Variants in TENM4 observed in about 807,000 individuals in gnomAD.
TENM4 encodes the protein teneurin-4.
Under a neutral mutation model 243.3 loss-of-function variants are expected in TENM4, and 82 were observed. That is an observed-to-expected ratio of 0.34 (90% confidence interval 0.28 to 0.40). The LOEUF (loss-of-function observed/expected upper bound fraction) is 0.40, where lower values mean the gene tolerates loss of function less well. Ranked by LOEUF, TENM4 falls within the 10% of genes least tolerant of loss-of-function variation. The pLI is 1.00. For synonymous variants in TENM4, 1,412 were observed against 1,456.3 expected (o/e 0.97, Z 0.69); for missense variants, 3,138 against 3,673.3 (o/e 0.85, Z 3.77).
chr11:79,221,314 T>A (rs2135239158), intron 2 of TENM4, among the ~76,000 whole-genome samples: 1 of 150,678 alleles, frequency 6.6e-6, no homozygotes, highest in South Asian at 2.2e-4. Flanking sequence ...GGAGAGAAGA[T>A]CCACCACATT....
At chr11:79,288,543 C>T (rs1227310810) in intron 2 of TENM4, among the ~76,000 whole-genome samples, 1 of 152,210 alleles carries the variant, frequency 6.6e-6, no homozygotes, top group Non-Finnish European at 1.5e-5. Flanking sequence ...AAGAGATCAT[C>T]CCAACAAATA....
intron 16 of TENM4, among the ~76,000 whole-genome samples, chr11:78,784,439 G>C (rs1356992356): frequency 6.6e-6 from 1 of 152,050 alleles, no homozygotes; most frequent in Non-Finnish European, 1.5e-5. Context: ...TCATGGGGAC[G>C]CAGCTGGCCA....
intron 3 of TENM4, among the ~76,000 whole-genome samples, chr11:79,191,957 C>T (rs1863512513): frequency 1.3e-5 from 2 of 151,616 alleles, no homozygotes; most frequent in African/African-American, 2.4e-5. Flanking sequence ...GGGGGTCAGC[C>T]CCCCGCCCAG....
chr11:79,017,839 C>G (rs1244678432), intron 6 of TENM4, among the ~76,000 whole-genome samples: 1 of 152,196 alleles, frequency 6.6e-6, no homozygotes, highest in East Asian at 1.9e-4. Flanking sequence ...GGCTCAGGCT[C>G]AGAAGGGCCT....
At chr11:78,739,634 A>G (rs1320812804) in intron 19 of TENM4, among the ~76,000 whole-genome samples, 2 of 152,070 alleles carry the variant, frequency 1.3e-5, no homozygotes, top group Non-Finnish European at 2.9e-5. Flanking sequence ...GGCTTTTTAA[A>G]CATTCAGAAA....
In TENM4 at chr11:78,732,331, A is replaced by C. The variant is rs755452984; in HGVS notation, c.3123T>G (p.Ile1041Met). 3 of 1,605,204 alleles carry C rather than the reference A, an allele frequency of 1.9e-6. No homozygotes were observed. The highest frequency in any genetic ancestry group is 2.7e-5 in the African/African-American group (2 of 74,748). The change falls in exon 21 of 34, where the codon ATT (isoleucine) becomes ATG (methionine). Residue 1041 changes from isoleucine to methionine, a missense_variant. By Grantham distance (10) the Ile-to-Met change is conservative. Coordinates refer to ENST00000278550, the MANE Select transcript of TENM4 (RefSeq NM_001098816.3). ...AGCTGGGTACCTGAATTTCCGGCAC[A>C]ATGGGGCCTTTCTCTGCACAGGAGC... ...FASSCAEKGP[I>M]VPEIQALQEE...
intron 23 of TENM4, among the ~76,000 whole-genome samples, chr11:78,725,380 G>A (rs1223122488): frequency 6.6e-6 from 1 of 152,204 alleles, no homozygotes; most frequent in African/African-American, 2.4e-5. Flanking sequence ...ATATTTAGCT[G>A]TCCCATCCCG....
intron 25 of TENM4, among the ~76,000 whole-genome samples, chr11:78,717,482 T>C (rs1387388533): frequency 1.3e-5 from 2 of 152,236 alleles, no homozygotes; most frequent in Non-Finnish European, 2.9e-5. Flanking sequence ...AGTTCTACCA[T>C]CCACTTGGCT....
chr11:78,991,266 T>G (rs756223698), intron 6 of TENM4, among the ~76,000 whole-genome samples: 2 of 151,130 alleles, frequency 1.3e-5, no homozygotes, highest in Non-Finnish European at 2.9e-5. Context: ...ACAATGTCTC[T>G]ATCTAGTCCC....
At chr11:79,341,815 C>G (rs7932591) in intron 1 of TENM4, among the ~76,000 whole-genome samples, 19,359 of 152,224 alleles carry the variant, frequency 0.13, 1,435 homozygotes, top group East Asian at 0.34. Context: ...ATTTCACATT[C>G]TCTATGACAT....
At chr11:79,084,733 G>C (rs754458567) in intron 4 of TENM4, among the ~76,000 whole-genome samples, 10 of 152,096 alleles carry the variant, frequency 6.6e-5, no homozygotes, top group Non-Finnish European at 1.3e-4. Flanking sequence ...AGGGAGGTGG[G>C]TGTGGCTATA....
intron 18 of TENM4, among the ~76,000 whole-genome samples, chr11:78,766,186 C>T (rs1037789689): frequency 5.3e-5 from 8 of 152,298 alleles, no homozygotes; most frequent in Non-Finnish European, 7.3e-5. Flanking sequence ...GGAGTTGAAT[C>T]CAGATAATCT....
At chr11:79,040,944 C>T (rs12808335) in intron 6 of TENM4, among the ~76,000 whole-genome samples, 95,889 of 151,970 alleles carry the variant, frequency 0.63, 34,216 homozygotes, top group Non-Finnish European at 0.83. Context: ...CCTGCTTGTG[C>T]CCAATGCAGG....
intron 1 of TENM4, among the ~76,000 whole-genome samples, chr11:79,337,518 T>C (rs1209619164): frequency 6.6e-6 from 1 of 152,164 alleles, no homozygotes; most frequent in African/African-American, 2.4e-5. Context: ...ACTGGGGTAG[T>C]TACCAGAGGG....
intron 28 of TENM4, among the ~76,000 whole-genome samples, chr11:78,689,004 T>A (rs1436532799): frequency 6.6e-6 from 1 of 152,222 alleles, no homozygotes; most frequent in Non-Finnish European, 1.5e-5. Context: ...GCTAGTTGCT[T>A]TTCATGCATT....
At chr11:79,239,943 G>C (rs966029422) in intron 2 of TENM4, among the ~76,000 whole-genome samples, 1 of 152,194 alleles carries the variant, frequency 6.6e-6, no homozygotes, top group Admixed American at 6.5e-5. Flanking sequence ...ACAACCGATT[G>C]TTGCAGCAAT....
intron 32 of TENM4, 32 bp from the exon 33 acceptor site, chr11:78,661,623 G>A: frequency 6.2e-7 from 1 of 1,607,186 alleles, no homozygotes; most frequent in Non-Finnish European, 8.5e-7. Flanking sequence ...ACATCTCCAT[G>A]GAGTGAGTGG....
At chr11:79,239,692 A>G (rs1475175309) in intron 2 of TENM4, among the ~76,000 whole-genome samples, 1 of 152,186 alleles carries the variant, frequency 6.6e-6, no homozygotes, top group Non-Finnish European at 1.5e-5. Context: ...ATCACTAATC[A>G]TTGACATTCA....
intron 9 of TENM4, among the ~76,000 whole-genome samples, chr11:78,884,871 G>C (rs1855517040): frequency 6.6e-6 from 1 of 152,190 alleles, no homozygotes; most frequent in Non-Finnish European, 1.5e-5. Context: ...TTAAGCTCAT[G>C]GGGGCTCAGT....
Sources: gnomAD v4.1 joint callset for allele counts (sites outside exome capture counted in the v4.1 genomes callset) on GRCh38, gnomAD v4.1.1 for gene constraint, MANE v1.5 for transcripts, NCBI Gene and HGNC (gene_info 2026-07-23, HGNC 2026-07-21) for gene names.